Variants in AGBL1 observed in about 807,000 individuals in gnomAD.
AGBL1 encodes cytosolic carboxypeptidase 4.
Under a neutral mutation model 118.9 loss-of-function variants are expected in AGBL1, and 130 were observed. The ratio of observed to expected loss-of-function variants is 1.09; its 90% CI spans 0.95 to 1.26. The LOEUF is 1.26. AGBL1 is among the 50% of genes most tolerant of loss of function. The pLI is 0.00. For synonymous variants in AGBL1, 555 were observed against 478.9 expected (o/e 1.16, Z -2.08); for missense variants, 1,584 against 1,298.1 (o/e 1.22, Z -3.38).
chr15:86,259,863 A>G (rs114562742), intron 9 of AGBL1, among the ~76,000 whole-genome samples: 1 of 152,274 alleles, frequency 6.6e-6, no homozygotes, highest in African/African-American at 2.4e-5. Context: ...TCTGATGGGG[A>G]GGGACCGGGT....
chr15:86,449,551 T>C (rs1454048118), intron 18 of AGBL1, among the ~76,000 whole-genome samples: 1 of 152,212 alleles, frequency 6.6e-6, no homozygotes, highest in African/African-American at 2.4e-5. Context: ...AGTGGCCCAG[T>C]TTCTTCCTCT....
At chr15:86,116,555 C>G (rs1897770380) in intron 1 of AGBL1, 1 of 152,252 alleles carries the variant, frequency 6.6e-6, no homozygotes, top group South Asian at 2.1e-4. Flanking sequence ...GAATACAACA[C>G]AAAGACAGAG....
intron 22 of AGBL1, among the ~76,000 whole-genome samples, chr15:86,835,814 G>A (rs1045002051): frequency 6.6e-6 from 1 of 152,148 alleles, no homozygotes; most frequent in Non-Finnish European, 1.5e-5. Context: ...TAGGTGTGGA[G>A]CAGATATCAG....
chr15:86,713,468 T>G (rs2086591478), intron 22 of AGBL1, among the ~76,000 whole-genome samples: 1 of 152,208 alleles, frequency 6.6e-6, no homozygotes, highest in African/African-American at 2.4e-5. Context: ...ACTCTTGGTC[T>G]GGACTGCATG....
At chr15:86,544,593 A>G (rs1392079834) in intron 19 of AGBL1, among the ~76,000 whole-genome samples, 1 of 152,190 alleles carries the variant, frequency 6.6e-6, no homozygotes, top group African/African-American at 2.4e-5. Context: ...AGCAGGCAAG[A>G]GAAGGAATAC....
Position 86,247,652 on chromosome 15 carries a change from C to G in AGBL1, c.527-19C>G. On this transcript the variant is annotated intron_variant, in intron 6 of 22. Transcript: ENST00000614907. ...TGTGGAGAGCCTGTGACTGACCCTG[C>G]CTTTCCCTTTGTTTTCAGAGTCGAA... is the stretch of plus-strand genomic sequence containing the variant. 3 of 1,579,826 alleles carry G rather than the reference C, an allele frequency of 1.9e-6. No individual in the cohort carries two copies. In the South Asian group the frequency reaches 3.5e-5, roughly 18 times the overall value.
Position 86,217,556 on chromosome 15 carries a change from A to G in AGBL1, c.489-7358A>G, listed in dbSNP as rs186475801. Among the ~76,000 whole-genome samples the G allele has an allele frequency of 5.9e-5, 9 of 152,334 alleles. No individual in the cohort carries two copies. The East Asian group carries it at 1.7e-3, about 29-fold the overall frequency. On this transcript the variant is annotated intron_variant, in intron 5 of 22. Transcript: ENST00000614907. ...GAGGAAAAAAGGATGAATGTACCTA[A>G]CAGAGGACTAGGGGTCAAGGGAGTC...
chr15:86,259,869 C>T (rs1022958761), intron 9 of AGBL1, among the ~76,000 whole-genome samples: 10 of 152,170 alleles, frequency 6.6e-5, no homozygotes, highest in South Asian at 2.1e-4. Flanking sequence ...GGGGAGGGAC[C>T]GGGTGCACGA....
At chr15:86,093,828 G>A (rs1383724752) in intron 1 of AGBL1, among the ~76,000 whole-genome samples, 8 of 152,130 alleles carry the variant, frequency 5.3e-5, no homozygotes, top group African/African-American at 1.7e-4. Context: ...GGGAAGCAGA[G>A]AATGAGGCAG....
chr15:86,478,964 C>G (rs1030913497), intron 18 of AGBL1, among the ~76,000 whole-genome samples: 13 of 152,128 alleles, frequency 8.5e-5, no homozygotes, highest in Admixed American at 8.5e-4. Context: ...ACAAACCTGA[C>G]AAAAGCAAGA....
chr15:86,852,186 G>T (rs2079416854), intron 22 of AGBL1, among the ~76,000 whole-genome samples: 1 of 152,130 alleles, frequency 6.6e-6, no homozygotes, highest in Non-Finnish European at 1.5e-5. Context: ...CATGGTGGAA[G>T]GGGAAGCAGG....
At chr15:86,099,508 A>G (rs939823073) in intron 1 of AGBL1, among the ~76,000 whole-genome samples, 2 of 150,054 alleles carry the variant, frequency 1.3e-5, no homozygotes, top group African/African-American at 2.4e-5. Context: ...TCAAAGGACA[A>G]TTTGATTTCC....
chr15:86,759,288 G>A (rs1276581581), intron 22 of AGBL1, among the ~76,000 whole-genome samples: 2 of 152,074 alleles, frequency 1.3e-5, no homozygotes, highest in African/African-American at 4.8e-5. Flanking sequence ...TTATAAGTCC[G>A]AGTTCTAGCA....
intron 7 of AGBL1, among the ~76,000 whole-genome samples, chr15:86,248,343 A>G (rs7179818): frequency 0.61 from 93,389 of 152,016 alleles, 29,340 homozygotes; most frequent in Middle Eastern, 0.7. Flanking sequence ...CAACAATAAA[A>G]TCTTCATTCC....
In AGBL1 at chr15:86,419,158, G is replaced by T. The variant is rs146360971; in HGVS notation, c.2555+21612G>T. Among the ~76,000 whole-genome samples the T allele has an allele frequency of 4.9e-3, 746 of 151,916 alleles. 4 individuals carry two copies. The highest frequency in any genetic ancestry group is 8.1e-3 in the Non-Finnish European group (552 of 67,932). ...CAGGGGTTAAACGGCAAAATTTGGGGGGTGGCTGGCAAGATGGCTGAATAG... is the reference window on the plus strand; with the variant it reads ...CAGGGGTTAAACGGCAAAATTTGGGTGGTGGCTGGCAAGATGGCTGAATAG... On this transcript the variant is annotated intron_variant, in intron 18 of 22. Coordinates refer to ENST00000614907, the MANE Select transcript of AGBL1 (RefSeq NM_001386094.1).
chr15:86,678,063 T>C (rs1056614649), intron 22 of AGBL1, among the ~76,000 whole-genome samples: 1 of 152,220 alleles, frequency 6.6e-6, no homozygotes, highest in African/African-American at 2.4e-5. Flanking sequence ...GCAGCCCATA[T>C]ACATTGTGGA....
At chr15:86,736,251 A>G (rs1268029150) in intron 22 of AGBL1, among the ~76,000 whole-genome samples, 1 of 151,962 alleles carries the variant, frequency 6.6e-6, no homozygotes, top group Non-Finnish European at 1.5e-5. Context: ...GCGGTGGTGC[A>G]TGCCTGTAAG....
intron 23 of AGBL1, among the ~76,000 whole-genome samples, chr15:86,952,243 A>T (rs550030067): frequency 0.044 from 6,727 of 151,720 alleles, 192 homozygotes; most frequent in Middle Eastern, 0.072. Context: ...AAAAAAAAAA[A>T]TTTTTTTGTC....
intron 19 of AGBL1, among the ~76,000 whole-genome samples, chr15:86,529,335 A>G (rs1362296383): frequency 2.2e-5 from 3 of 135,860 alleles, no homozygotes; most frequent in East Asian, 2.0e-4. Context: ...AGCCGATGCG[A>G]TCAACTGGAA....
Sources: gnomAD v4.1 joint callset for allele counts (sites outside exome capture counted in the v4.1 genomes callset) on GRCh38, gnomAD v4.1.1 for gene constraint, MANE v1.5 for transcripts, NCBI Gene and HGNC (gene_info 2026-07-23, HGNC 2026-07-21) for gene names.